GRIP1: variants seen among roughly 807,000 people sequenced by gnomAD.
The protein encoded by GRIP1 is glutamate receptor-interacting protein 1.
GRIP1 carries 45 observed loss-of-function variants against 129.9 expected under a neutral mutation model. That is an observed-to-expected ratio of 0.35 (90% CI 0.27 to 0.44). GRIP1 has a LOEUF of 0.44. Among genes scored for constraint, GRIP1 ranks in the 20% least tolerant of loss-of-function variants. GRIP1 has a pLI of 1.00. For missense variants in GRIP1, 1,196 were observed against 1,396.8 expected, an observed-to-expected ratio of 0.86 and a Z score of 2.29; for synonymous variants, 530 against 520.8, an observed-to-expected ratio of 1.02 and a Z score of -0.24.
intron 4 of GRIP1, 30 bp downstream of exon 4, chr12:66,539,048 C>T (rs1292446970): frequency 1.3e-6 from 2 of 1,596,300 alleles, no homozygotes; most frequent in Non-Finnish European, 1.7e-6. Flanking sequence ...GAATGTATCC[C>T]CTATGGATAA....
intron 7 of GRIP1, among the ~76,000 whole-genome samples, chr12:66,497,174 T>C (rs538232071): frequency 1.3e-5 from 2 of 152,290 alleles, no homozygotes; most frequent in Admixed American, 1.3e-4. Context: ...CCTGCCCTTC[T>C]GGTACTTATT....
At chr12:66,915,190 T>C (rs2041100000) in intron 1 of GRIP1, among the ~76,000 whole-genome samples, 1 of 152,230 alleles carries the variant, frequency 6.6e-6, no homozygotes, top group Admixed American at 6.5e-5. Context: ...GCTTCTGACA[T>C]GTTCCAAGTA....
intron 1 of GRIP1, among the ~76,000 whole-genome samples, chr12:66,969,187 A>G (rs1029710292): frequency 6.6e-6 from 1 of 152,164 alleles, no homozygotes; most frequent in African/African-American, 2.4e-5. Flanking sequence ...ATCTAAGTAT[A>G]GACTTTGTGG....
intron 11 of GRIP1, among the ~76,000 whole-genome samples, chr12:66,454,641 C>T (rs1454646617): frequency 1.3e-5 from 2 of 152,180 alleles, no homozygotes; most frequent in Non-Finnish European, 2.9e-5. Flanking sequence ...TATCCCAAAG[C>T]AAGTAGCCAA....
At chr12:66,540,460 G>GCAT (rs146535688) in intron 3 of GRIP1, among the ~76,000 whole-genome samples, 3,350 of 152,252 alleles carry the variant, frequency 0.022, 58 homozygotes, top group Non-Finnish European at 0.034. Context: ...TGAACCCCTA[G>GCAT]CATCATGAAC....
intron 1 of GRIP1, among the ~76,000 whole-genome samples, chr12:66,907,897 A>T (rs1018616263): frequency 2.0e-5 from 3 of 152,192 alleles, no homozygotes; most frequent in Non-Finnish European, 2.9e-5. Flanking sequence ...GGGTCATGCC[A>T]ACCTAAGAAG....
At position 66,377,233 on chromosome 12, in the gene GRIP1, A is replaced by T; in HGVS notation, c.2674T>A (p.Ser892Thr). ...AETEQEENFW[S>T]QALEDLETCG... ...GTTTCCAAATCCTCCAGCGCTTGAG[A>T]CCAGAAGTTCTCCTCTTGTTCTGTC... is the stretch of plus-strand genomic sequence containing the variant. Residue 892 changes from serine (S) to threonine (T), a missense_variant, in exon 21 of 25, where the codon TCT becomes ACT. Ser to Thr is a moderately conservative substitution (Grantham distance 58, BLOSUM62 1). Around this residue, in one of 5 missense-constraint regions of GRIP1, gnomAD observed 427 missense variants for 463.3 expected, o/e 0.92. Transcript: ENST00000359742. The T allele has an allele frequency of 1.2e-6, 2 of 1,614,046 alleles. No homozygotes were observed. The highest frequency in any genetic ancestry group is 3.3e-5 in the Admixed American group (2 of 60,008).
intron 1 of GRIP1, chr12:67,069,002 C>T: frequency 1.0e-5 from 9 of 885,344 alleles, no homozygotes; most frequent in Non-Finnish European, 1.2e-5. Context: ...CCGGGCGGCC[C>T]CGGCCCGGAC....
intron 1 of GRIP1, among the ~76,000 whole-genome samples, chr12:66,627,956 G>A (rs1421751875): frequency 6.6e-6 from 1 of 152,088 alleles, no homozygotes; most frequent in Non-Finnish European, 1.5e-5. Context: ...GGGGAGAAAG[G>A]GAGAAAGGAA....
Position 66,651,301 on chromosome 12 carries a change from G to C in GRIP1, c.55+27549C>G, listed in dbSNP as rs576325784. ...TTACCCTAAAGCAGGATCAATATTT[G>C]GTTTATTTCACACACTGGAATCATC... is the stretch of plus-strand genomic sequence containing the variant. On this transcript the variant is annotated intron_variant, in intron 1 of 24. Coordinates refer to ENST00000359742, the MANE Select transcript of GRIP1 (RefSeq NM_001366722.1). Among the ~76,000 whole-genome samples the C allele has an allele frequency of 9.7e-4, 147 of 152,250 alleles. 1 individual carries two copies. Among genetic ancestry groups the C allele is most frequent in the African/African-American group, 3.5e-3 (144 of 41,528 alleles).
At chr12:66,719,425 G>T (rs763849225) in intron 1 of GRIP1, among the ~76,000 whole-genome samples, 1 of 152,136 alleles carries the variant, frequency 6.6e-6, no homozygotes, top group Non-Finnish European at 1.5e-5. Context: ...TTATAAGCTA[G>T]GAGTAAATGA....
chr12:66,868,358 G>A (rs912283627), intron 1 of GRIP1, among the ~76,000 whole-genome samples: 2 of 151,974 alleles, frequency 1.3e-5, no homozygotes, highest in Admixed American at 1.3e-4. Flanking sequence ...AACAGGTAGC[G>A]GGAAGACTCA....
At chr12:66,652,743 G>T (rs2032891861) in intron 1 of GRIP1, among the ~76,000 whole-genome samples, 2 of 152,174 alleles carry the variant, frequency 1.3e-5, no homozygotes, top group Admixed American at 1.3e-4. Context: ...TGCTTTTCCT[G>T]CTCTGTGACC....
At chr12:66,763,063 C>T (rs138749045) in intron 1 of GRIP1, among the ~76,000 whole-genome samples, 1 of 152,088 alleles carries the variant, frequency 6.6e-6, no homozygotes, top group East Asian at 1.9e-4. Flanking sequence ...AAAAGTGATA[C>T]AATTATAAAT....
chr12:66,384,031 C>T (rs1465463283), intron 19 of GRIP1, among the ~76,000 whole-genome samples: 1 of 152,182 alleles, frequency 6.6e-6, no homozygotes, highest in Non-Finnish European at 1.5e-5. Context: ...GCATGGGCCT[C>T]TGATGACACT....
intron 7 of GRIP1, among the ~76,000 whole-genome samples, chr12:66,510,305 T>C (rs1202283038): frequency 3.3e-5 from 5 of 152,146 alleles, no homozygotes; most frequent in Non-Finnish European, 7.4e-5. Context: ...TAGGGCCCTC[T>C]ACGCATTCCT....
At position 67,016,200 on chromosome 12, in the gene GRIP1, G is replaced by A. The variant is rs570962164; in HGVS notation, c.58+52850C>T. The stretch of plus-strand genomic sequence containing the variant: ...TGTGTAAAATGTAAGAAATAAAATG[G>A]TTCCTTTCTCTAAAAAAGATAGAAA... On this transcript the variant is annotated intron_variant, in intron 1 of 1. Transcript: ENST00000643019. Among the ~76,000 whole-genome samples the A allele has an allele frequency of 5.3e-5, 8 of 152,174 alleles. No homozygotes were observed. The East Asian group carries it at 1.5e-3, about 29-fold the overall frequency.
chr12:66,704,448 A>G (rs1386010482), intron 1 of GRIP1, among the ~76,000 whole-genome samples: 2 of 152,110 alleles, frequency 1.3e-5, no homozygotes, highest in African/African-American at 4.8e-5. Context: ...TAACAAGCAA[A>G]TGGAAAAAAT....
At chr12:66,890,268 G>C (rs998373881) in intron 1 of GRIP1, among the ~76,000 whole-genome samples, 3 of 152,068 alleles carry the variant, frequency 2.0e-5, no homozygotes, top group African/African-American at 7.2e-5. Context: ...ATAGCCATTT[G>C]GTGGCAAAGT....
Sources: gnomAD v4.1 joint callset for allele counts (sites outside exome capture counted in the v4.1 genomes callset) on GRCh38, gnomAD v4.1.1 for gene constraint, gnomAD v4.1.1 regional missense constraint, MANE v1.5 for transcripts, NCBI Gene and HGNC (gene_info 2026-07-23, HGNC 2026-07-21) for gene names.